KIAA1328: variants seen among roughly 807,000 people sequenced by gnomAD.
The protein encoded by KIAA1328 is protein hinderin.
A neutral mutation model predicts 68.1 loss-of-function variants in KIAA1328; 52 were observed. That is an observed-to-expected ratio of 0.76 (90% CI 0.61 to 0.96). The LOEUF (loss-of-function observed/expected upper bound fraction) is 0.96, where lower values mean the gene tolerates loss of function less well. Among genes scored for constraint, KIAA1328 ranks in the 40% least tolerant of loss-of-function variants. The pLI is 0.00. For missense variants in KIAA1328, 641 were observed against 677.6 expected, an observed-to-expected ratio of 0.95 and a Z score of 0.60; for synonymous variants, 232 against 239.4, an observed-to-expected ratio of 0.97 and a Z score of 0.28.
At position 37,067,303 on chromosome 18, in the gene KIAA1328, A is replaced by G. The variant is rs765359136; in HGVS notation, c.990A>G (p.Thr330=). ...PTNMTPQHPK[T]HPESCSYCRL... is the part of the protein sequence containing the mutation. ...ACATGACCCCTCAACATCCTAAGAC[A>G]CATCCAGAATCATGCAGTTATTGTC... is the stretch of plus-strand genomic sequence containing the variant. The change falls in exon 7 of 10, where the codon ACA becomes ACG. Residue 330 remains threonine (T), a synonymous_variant. Transcript: ENST00000280020. 2.2e-5 allele frequency: 35 copies of G among 1,613,836 alleles called. No individual in the cohort carries two copies. Among genetic ancestry groups the G allele is most frequent in the Non-Finnish European group, 2.8e-5 (33 of 1,179,886 alleles).
intron 7 of KIAA1328, among the ~76,000 whole-genome samples, chr18:37,084,616 C>T (rs902951783): frequency 2.6e-5 from 4 of 151,370 alleles, no homozygotes; most frequent in South Asian, 4.2e-4. Context: ...TTAATTCATT[C>T]AACAAATACG....
intron 7 of KIAA1328, among the ~76,000 whole-genome samples, chr18:37,117,986 G>A (rs945039976): frequency 2.7e-5 from 4 of 149,322 alleles, no homozygotes; most frequent in African/African-American, 1.0e-4. Context: ...GGCCATAACT[G>A]GTATGTATAA....
chr18:36,857,044 C>T (rs1344446502), intron 4 of KIAA1328, among the ~76,000 whole-genome samples: 4 of 152,138 alleles, frequency 2.6e-5, no homozygotes, highest in African/African-American at 4.8e-5. Context: ...ATTCCTTCAA[C>T]GTTCAGCCAG....
intron 6 of KIAA1328, among the ~76,000 whole-genome samples, chr18:36,999,651 T>A (rs1316436704): frequency 2.0e-5 from 3 of 152,098 alleles, no homozygotes; most frequent in Non-Finnish European, 4.4e-5. Context: ...TGAAAACCTG[T>A]CACCTGGGAC....
chr18:36,971,219 G>A (rs1037772112), intron 6 of KIAA1328, among the ~76,000 whole-genome samples: 1 of 152,108 alleles, frequency 6.6e-6, no homozygotes, highest in Non-Finnish European at 1.5e-5. Flanking sequence ...TTAAATAAAT[G>A]GTGTTTGGAA....
chr18:37,076,519 C>G (rs2056741653), intron 7 of KIAA1328, among the ~76,000 whole-genome samples: 1 of 151,680 alleles, frequency 6.6e-6, no homozygotes, highest in African/African-American at 2.4e-5. Flanking sequence ...CACAAAAAAC[C>G]CTTCAAAAAA....
At chr18:36,837,153 A>G (rs2046704528) in intron 3 of KIAA1328, among the ~76,000 whole-genome samples, 1 of 152,090 alleles carries the variant, frequency 6.6e-6, no homozygotes, top group Admixed American at 6.5e-5. Context: ...TTTATGTTTA[A>G]CCTTTTGACA....
chr18:37,223,196 G>A lies in KIAA1328; in HGVS notation c.*969G>A. On this transcript the variant is annotated 3_prime_UTR_variant, in exon 10 of 10. Transcript: ENST00000280020. ...TCCCTTTTCCTCCACGAGGATTAAAGGATACAAGCTGACCAGGCCTCACAG... is the reference window on the plus strand; with the variant it reads ...TCCCTTTTCCTCCACGAGGATTAAAAGATACAAGCTGACCAGGCCTCACAG... The A allele has an allele frequency of 2.0e-6, 2 of 985,176 alleles. No homozygotes were observed. The highest frequency in any genetic ancestry group is 2.4e-6 in the Non-Finnish European group (2 of 829,940). The allele number at this position is 985,176 out of a possible 1,614,324, so 61.0% of individuals were successfully genotyped here.
At chr18:37,206,434 A>G (rs1308671897) in intron 9 of KIAA1328, among the ~76,000 whole-genome samples, 1 of 152,168 alleles carries the variant, frequency 6.6e-6, no homozygotes, top group Non-Finnish European at 1.5e-5. Context: ...TTAGTCAGAA[A>G]TGCAAAAAGC....
chr18:37,115,383 C>A (rs1234118790), intron 7 of KIAA1328, among the ~76,000 whole-genome samples: 1 of 152,164 alleles, frequency 6.6e-6, no homozygotes, highest in Non-Finnish European at 1.5e-5. Flanking sequence ...TAAACGTAAT[C>A]CATCATATAA....
intron 5 of KIAA1328, among the ~76,000 whole-genome samples, chr18:36,920,349 T>C (rs183217587): frequency 6.6e-6 from 1 of 152,258 alleles, no homozygotes; most frequent in African/African-American, 2.4e-5. Flanking sequence ...TGTGGAAGAT[T>C]AGAGGTTGTA....
chr18:36,918,498 C>T (rs532898411), intron 5 of KIAA1328, among the ~76,000 whole-genome samples: 6 of 151,204 alleles, frequency 4.0e-5, no homozygotes, highest in East Asian at 2.0e-4. Context: ...CTGCAACCTC[C>T]GCCTCTTGGG....
intron 6 of KIAA1328, among the ~76,000 whole-genome samples, chr18:37,017,657 A>G (rs2054198228): frequency 1.3e-5 from 2 of 152,106 alleles, no homozygotes; most frequent in Non-Finnish European, 2.9e-5. Context: ...AATGTTGTGT[A>G]TATCTATACT....
chr18:37,225,356 T>A (rs1484951366), downstream of KIAA1328: 2 of 965,540 alleles, frequency 2.1e-6, no homozygotes, highest in Non-Finnish European at 2.5e-6. Context: ...TATTGAATTG[T>A]CCCTTGAACA....
rs528209501 is a variant in KIAA1328, at chr18:37,016,182, A to C, written c.577-50708A>C. 1.1e-3 allele frequency among the ~76,000 whole-genome samples: 160 copies of C among 152,174 alleles called. 2 individuals carry two copies. The highest frequency in any genetic ancestry group is 3.8e-3 in the African/African-American group (158 of 41,544). ...TTTGAGGAATGTTCCTTTAATGCCT[A>C]GTTACTTTAGGGTTTTATCATGGAG... On this transcript the variant is annotated intron_variant, in intron 6 of 9. Transcript: ENST00000280020.
chr18:36,953,828 C>G (rs1310561457), intron 5 of KIAA1328, among the ~76,000 whole-genome samples: 1 of 151,988 alleles, frequency 6.6e-6, no homozygotes, highest in Admixed American at 6.6e-5. Context: ...TCTCCCTGAA[C>G]AAGGATTCAG....
intron 5 of KIAA1328, among the ~76,000 whole-genome samples, chr18:36,903,227 C>T (rs1598654345): frequency 2.0e-5 from 3 of 151,980 alleles, no homozygotes; most frequent in South Asian, 4.1e-4. Context: ...CAGTAGGTCT[C>T]GTTTGACATT....
rs1328856491 is a variant in KIAA1328, at chr18:37,020,152, C to G, written c.577-46738C>G. On this transcript the variant is annotated intron_variant, in intron 6 of 9. Transcript: ENST00000280020. ...TTTTTTCTTTTTTTGGAGACAGAGT[C>G]TCACCCTGTTGCCCAGGCTGGAGTG... 2.6e-5 allele frequency among the ~76,000 whole-genome samples: 4 copies of G among 151,972 alleles called. No individual in the cohort carries two copies. The East Asian group carries it at 5.8e-4, about 22-fold the overall frequency.
intron 7 of KIAA1328, among the ~76,000 whole-genome samples, chr18:37,141,042 G>C (rs1276062060): frequency 6.6e-6 from 1 of 152,102 alleles, no homozygotes; most frequent in Non-Finnish European, 1.5e-5. Context: ...ATATTTAAAA[G>C]TTCTTTGGTG....
Sources: allele counts gnomAD v4.1 joint callset (sites outside exome capture counted in the v4.1 genomes callset), GRCh38; gene constraint gnomAD v4.1.1; transcripts MANE v1.5; gene names NCBI Gene and HGNC (gene_info 2026-07-23, HGNC 2026-07-21).